Variants in KIAA1549L observed in about 807,000 individuals in gnomAD.
The protein encoded by KIAA1549L is KIAA1549 like, also known as UPF0606 protein KIAA1549L.
A neutral mutation model predicts 160.7 loss-of-function variants in KIAA1549L; 88 were observed. That is an observed-to-expected ratio of 0.55 (90% CI 0.46 to 0.65). The LOEUF (loss-of-function observed/expected upper bound fraction) is 0.65. KIAA1549L is among the 30% of genes least tolerant of loss of function. KIAA1549L has a pLI of 0.00. For missense variants in KIAA1549L, 2,258 were observed against 2,437.5 expected, an observed-to-expected ratio of 0.93 and a Z score of 1.55; for synonymous variants, 950 against 976.7, an observed-to-expected ratio of 0.97 and a Z score of 0.51.
At chr11:33,576,628 A>G (rs1855457108) in intron 10 of KIAA1549L, among the ~76,000 whole-genome samples, 1 of 152,198 alleles carries the variant, frequency 6.6e-6, no homozygotes, top group Admixed American at 6.5e-5. Flanking sequence ...AAAAGTGGAC[A>G]TTCAGAGAAG....
At chr11:33,488,139 G>T (rs1852571545) in intron 1 of KIAA1549L, among the ~76,000 whole-genome samples, 1 of 152,142 alleles carries the variant, frequency 6.6e-6, no homozygotes, top group African/African-American at 2.4e-5. Context: ...AATATGGTTG[G>T]CAAATATGAA....
intron 7 of KIAA1549L, 72 bp downstream of exon 7, chr11:33,559,983 A>T: frequency 7.3e-7 from 1 of 1,373,088 alleles, no homozygotes; most frequent in Non-Finnish European, 1.0e-6. Context: ...AAACATTTAT[A>T]GTGCCAGGCC....
At chr11:33,463,405 G>T (rs1370441520) in intron 1 of KIAA1549L, among the ~76,000 whole-genome samples, 1 of 150,874 alleles carries the variant, frequency 6.6e-6, no homozygotes, top group East Asian at 1.9e-4. Flanking sequence ...AAAAAAAAAA[G>T]TAGTGTTGAA....
At position 33,541,880 on chromosome 11, in the gene KIAA1549L, C is replaced by T. The variant is rs1408689210; in HGVS notation, c.317C>T (p.Thr106Ile). 1 of 266,738 alleles carries T rather than the reference C, an allele frequency of 3.7e-6. No homozygotes were observed. The highest frequency in any genetic ancestry group is 9.0e-5 in the East Asian group (1 of 11,090). 16.5% of individuals were successfully genotyped at this position (266,738 alleles called of 1,614,324 possible). A position where few individuals can be genotyped will look rare whatever the true frequency, so the allele number is the denominator to read the frequency against. Residue 106 changes from threonine (T) to isoleucine (I), a missense_variant, in exon 2 of 21, where the codon ACA becomes ATA. Physicochemically the swap from Thr to Ile is moderately conservative, Grantham distance 89. Around this residue, in one of 6 missense-constraint regions of KIAA1549L, gnomAD observed 540 missense variants for 465.7 expected, o/e 1.16. Transcript: ENST00000658780. ...PPGKLLPISP[T>I]WPFTEVRSSS... ...GGGAAATTGTTACCAATTTCACCAA[C>T]ATGGCCTTTCACAGAAGTCAGGTCT...
At chr11:33,449,674 C>T (rs1488082399) in intron 1 of KIAA1549L, among the ~76,000 whole-genome samples, 1 of 151,086 alleles carries the variant, frequency 6.6e-6, no homozygotes, top group Non-Finnish European at 1.5e-5. Context: ...CCTGATGGTC[C>T]TCTCTGACCT....
intron 1 of KIAA1549L, among the ~76,000 whole-genome samples, chr11:33,441,136 G>A (rs988334643): frequency 7.0e-6 from 1 of 142,036 alleles, no homozygotes; most frequent in African/African-American, 2.7e-5. Flanking sequence ...TGTTCTCATT[G>A]TTCAGTTACC....
At chr11:33,560,395 G>C (rs1370242713) in intron 7 of KIAA1549L, among the ~76,000 whole-genome samples, 1 of 152,126 alleles carries the variant, frequency 6.6e-6, no homozygotes, top group East Asian at 1.9e-4. Context: ...AGCAATCTGG[G>C]TTGCTATGGT....
intron 1 of KIAA1549L, among the ~76,000 whole-genome samples, chr11:33,441,565 A>C (rs1174664551): frequency 1.3e-5 from 2 of 152,008 alleles, no homozygotes; most frequent in Non-Finnish European, 2.9e-5. Flanking sequence ...GTTTCTCCAC[A>C]TCCTCTCCAG....
Position 33,589,879 on chromosome 11 carries a change from C to G in KIAA1549L, c.4567-1358C>G, listed in dbSNP as rs540909752. Among the ~76,000 whole-genome samples the G allele has an allele frequency of 5.3e-5, 8 of 152,200 alleles. No individual in the cohort carries two copies. In the South Asian group the frequency reaches 1.7e-3, roughly 32 times the overall value. On this transcript the variant is annotated intron_variant, in intron 11 of 20. Transcript: ENST00000658780. ...ATACATATGTAACCTGCATGTTTTG[C>G]ACATGTACCCTAAAACTTAAAGTAT...
chr11:33,650,950 G>A (rs1453676940), intron 17 of KIAA1549L, among the ~76,000 whole-genome samples: 2 of 152,228 alleles, frequency 1.3e-5, no homozygotes, highest in East Asian at 3.9e-4. Context: ...AAATTTTGAT[G>A]AGACTTATGT....
intron 1 of KIAA1549L, among the ~76,000 whole-genome samples, chr11:33,463,320 T>C (rs948302477): frequency 2.6e-5 from 4 of 152,176 alleles, no homozygotes; most frequent in African/African-American, 9.7e-5. Context: ...TTCCTTCTCT[T>C]AACTATTCTT....
In KIAA1549L at chr11:33,609,729, G is replaced by A. The variant is rs1192522462; in HGVS notation, c.5062-20G>A. ...GCCCCACTGGGTCAGGTTTGGGCCT[G>A]AGACTGCCTCTCTCCCCAGGTGAAC... On this transcript the variant is annotated intron_variant, in intron 14 of 20. Transcript: ENST00000658780. 1 of 1,583,406 alleles carries A rather than the reference G, an allele frequency of 6.3e-7. No individual in the cohort carries two copies. The highest frequency in any genetic ancestry group is 1.3e-5 in the African/African-American group (1 of 74,122).
chr11:33,544,747 TG>T lies in KIAA1549L; in HGVS notation c.2774-19del. ...TGCATTCCAAGCCAATGACAAACTTTGTTTTTTCTCTCTTTACAGCGGACAC... is the reference window on the plus strand; with the variant it reads ...TGCATTCCAAGCCAATGACAAACTTTTTTTTTCTCTCTTTACAGCGGACAC... On this transcript the variant is annotated intron_variant, in intron 2 of 20. Coordinates refer to ENST00000658780, the MANE Select transcript of KIAA1549L (RefSeq NM_012194.3). 2 of 1,559,338 alleles carry T rather than the reference TG, an allele frequency of 1.3e-6. No homozygotes were observed.
chr11:33,544,367 C>G (rs762473644), intron 2 of KIAA1549L, 31 bp downstream of exon 2: 2 of 1,606,148 alleles, frequency 1.2e-6, no homozygotes, highest in Non-Finnish European at 1.7e-6. Context: ...AGTTTGTTTC[C>G]CGGTACCCCC....
At chr11:33,408,241 AGGTAGCTAACT>A (rs1250518455) in intron 1 of KIAA1549L, among the ~76,000 whole-genome samples, 3 of 152,128 alleles carry the variant, frequency 2.0e-5, no homozygotes, top group African/African-American at 7.2e-5. Context: ...GGAGCTAGGC[AGGTAGCTAACT>A]GGTGCTCTGG....
intron 14 of KIAA1549L, among the ~76,000 whole-genome samples, chr11:33,609,170 A>G (rs1850582786): frequency 6.6e-6 from 1 of 152,264 alleles, no homozygotes; most frequent in Non-Finnish European, 1.5e-5. Context: ...CAAGGCTTCA[A>G]AATTACATAT....
In KIAA1549L at chr11:33,540,121, G is replaced by T. The variant is rs555534349; in HGVS notation, c.239-1681G>T. The stretch of plus-strand genomic sequence containing the variant: ...GTCAGTTACAGATCCCTTGGTATTA[G>T]CCCCTATTCCTCCATCCTGTTTGCA... On this transcript the variant is annotated intron_variant, in intron 1 of 20. Transcript: ENST00000658780. Among the ~76,000 whole-genome samples the T allele has an allele frequency of 3.2e-4, 49 of 152,254 alleles. 1 individual carries two copies. The highest frequency in any genetic ancestry group is 1.0e-3 in the African/African-American group (43 of 41,552).
At chr11:33,487,600 C>T (rs1020825768) in intron 1 of KIAA1549L, among the ~76,000 whole-genome samples, 2 of 151,928 alleles carry the variant, frequency 1.3e-5, no homozygotes, top group Admixed American at 6.6e-5. Context: ...GCTGAAACAT[C>T]GATTCGTACT....
intron 1 of KIAA1549L, among the ~76,000 whole-genome samples, chr11:33,405,246 C>T (rs1010825305): frequency 1.3e-5 from 2 of 152,054 alleles, no homozygotes; most frequent in African/African-American, 2.4e-5. Context: ...TAGAGAATCA[C>T]TAAAGCATTG....
Sources: allele counts gnomAD v4.1 joint callset (sites outside exome capture counted in the v4.1 genomes callset), GRCh38; gene constraint gnomAD v4.1.1; regional missense constraint gnomAD v4.1.1; transcripts MANE v1.5; gene names NCBI Gene and HGNC (gene_info 2026-07-23, HGNC 2026-07-21).